CADM2: variants seen among roughly 807,000 people sequenced by gnomAD.
CADM2 encodes the protein cell adhesion molecule 2.
In CADM2, 12 loss-of-function variants were observed where a neutral mutation model predicts 49.8. The ratio of observed to expected loss-of-function variants is 0.24; its 90% CI spans 0.15 to 0.39. The LOEUF (loss-of-function observed/expected upper bound fraction) is 0.39. Among genes scored for constraint, CADM2 ranks in the 10% least tolerant of loss-of-function variants. The probability of loss-of-function intolerance (pLI) is 1.00; values close to 1 mark genes in which losing one functional copy is unlikely to be tolerated. For missense variants in CADM2, 378 were observed against 492.3 expected, an observed-to-expected ratio of 0.77 and a Z score of 2.20; for synonymous variants, 214 against 175.4, an observed-to-expected ratio of 1.22 and a Z score of -1.74.
intron 1 of CADM2, among the ~76,000 whole-genome samples, chr3:85,397,790 A>G (rs2034868887): frequency 6.6e-6 from 1 of 152,192 alleles, no homozygotes; most frequent in South Asian, 2.1e-4. Context: ...TGATGGAATA[A>G]GTTCTGAAAA....
At chr3:85,526,700 C>G (rs1024178697) in intron 1 of CADM2, among the ~76,000 whole-genome samples, 1 of 152,060 alleles carries the variant, frequency 6.6e-6, no homozygotes, top group Non-Finnish European at 1.5e-5. Flanking sequence ...CACTAGATCC[C>G]TAAAATGCTT....
chr3:85,566,831 C>G (rs10511081), intron 1 of CADM2, among the ~76,000 whole-genome samples: 77,962 of 152,070 alleles, frequency 0.51, 23,072 homozygotes, highest in East Asian at 0.85. Context: ...TGACCCGTGT[C>G]TTTTCTATGA....
chr3:85,855,621 C>CATATATATATATAT (rs142144366), intron 3 of CADM2, among the ~76,000 whole-genome samples: 56 of 54,014 alleles, frequency 1.0e-3, no homozygotes, highest in African/African-American at 2.5e-3. Context: ...ATATATAAAA[C>CATATATATATATAT]ATATATATAT....
intron 1 of CADM2, among the ~76,000 whole-genome samples, chr3:85,326,680 A>G (rs924278341): frequency 6.6e-6 from 1 of 152,184 alleles, no homozygotes; most frequent in Non-Finnish European, 1.5e-5. Context: ...TAAAAGTCTA[A>G]TGGAAATGCT....
At chr3:85,318,245 G>A (rs2044514988) in intron 1 of CADM2, among the ~76,000 whole-genome samples, 2 of 151,792 alleles carry the variant, frequency 1.3e-5, no homozygotes, top group Admixed American at 1.3e-4. Flanking sequence ...TAAATGGGGG[G>A]TTGATGTAAC....
At chr3:85,141,699 A>G (rs996696778) in intron 1 of CADM2, among the ~76,000 whole-genome samples, 5 of 152,194 alleles carry the variant, frequency 3.3e-5, no homozygotes, top group Non-Finnish European at 5.9e-5. Flanking sequence ...GTTAATGGAA[A>G]TAGTATAAAT....
chr3:85,807,771 C>T (rs543225141), intron 3 of CADM2, among the ~76,000 whole-genome samples: 1 of 152,132 alleles, frequency 6.6e-6, no homozygotes, highest in Admixed American at 6.5e-5. Context: ...TGCTGATTCA[C>T]TCATCAGATG....
At chr3:85,272,762 G>T (rs1434095187) in intron 1 of CADM2, among the ~76,000 whole-genome samples, 1 of 151,118 alleles carries the variant, frequency 6.6e-6, no homozygotes, top group African/African-American at 2.4e-5. Flanking sequence ...AGTTTCTCCT[G>T]TGCTTATTCG....
intron 1 of CADM2, among the ~76,000 whole-genome samples, chr3:85,500,674 T>A (rs1349662885): frequency 6.6e-6 from 1 of 152,002 alleles, no homozygotes; most frequent in Non-Finnish European, 1.5e-5. Context: ...CCCGCTACTA[T>A]GCCTGGCTGA....
chr3:85,426,751 A>G (rs529936257), intron 1 of CADM2, among the ~76,000 whole-genome samples: 209 of 152,290 alleles, frequency 1.4e-3, no homozygotes, highest in Non-Finnish European at 2.5e-3. Flanking sequence ...AAAAATTTCC[A>G]TATGTTTCTG....
At chr3:85,393,724 C>T (rs574644766) in intron 1 of CADM2, among the ~76,000 whole-genome samples, 6 of 151,990 alleles carry the variant, frequency 3.9e-5, no homozygotes, top group African/African-American at 1.2e-4. Context: ...CGAGATAGAT[C>T]GTAACCCCTT....
At chr3:85,806,030 A>G (rs1481167098) in intron 3 of CADM2, among the ~76,000 whole-genome samples, 1 of 152,154 alleles carries the variant, frequency 6.6e-6, no homozygotes, top group African/African-American at 2.4e-5. Context: ...TTTTAATTAT[A>G]TCTCAAATGA....
Position 85,250,881 on chromosome 3 carries a change from A to G in CADM2, c.61+291213A>G, listed in dbSNP as rs573567420. On this transcript the variant is annotated intron_variant, in intron 1 of 9. Coordinates refer to ENST00000383699, the MANE Select transcript of CADM2 (RefSeq NM_001167675.2). ...TTGAGTTCATACAAATAAATAAAAT[A>G]GCTTACATAGAGAACAATTTCCTCT... Among the ~76,000 whole-genome samples, 4 of 151,918 alleles carry G rather than the reference A, an allele frequency of 2.6e-5. No individual in the cohort carries two copies. The South Asian group carries it at 6.2e-4, about 24-fold the overall frequency.
intron 1 of CADM2, among the ~76,000 whole-genome samples, chr3:85,713,613 T>C (rs759299470): frequency 9.2e-5 from 14 of 152,182 alleles, no homozygotes; most frequent in Non-Finnish European, 1.6e-4. Context: ...TACCTACCTA[T>C]CTACAATTGA....
chr3:86,036,771 T>C (rs564429037), intron 8 of CADM2, among the ~76,000 whole-genome samples: 1 of 152,284 alleles, frequency 6.6e-6, no homozygotes, highest in Admixed American at 6.5e-5. Context: ...ATTAAAGAAG[T>C]CACTTTATGT....
chr3:85,754,861 T>G (rs987476507), intron 2 of CADM2, among the ~76,000 whole-genome samples: 1 of 152,208 alleles, frequency 6.6e-6, no homozygotes, highest in Non-Finnish European at 1.5e-5. Context: ...TATTGACATT[T>G]TTTTAAAAGC....
intron 1 of CADM2, among the ~76,000 whole-genome samples, chr3:85,214,821 G>A (rs1292823558): frequency 1.3e-5 from 2 of 151,952 alleles, no homozygotes; most frequent in Admixed American, 1.3e-4. Flanking sequence ...TGCAGTGAAT[G>A]CTGCCAGTCG....
intron 1 of CADM2, among the ~76,000 whole-genome samples, chr3:85,179,131 G>T (rs957704130): frequency 6.6e-6 from 1 of 151,894 alleles, no homozygotes; most frequent in Non-Finnish European, 1.5e-5. Flanking sequence ...GTGTCTAGAT[G>T]TCTTCTCCAT....
chr3:85,961,720 T>G (rs1724842798), intron 8 of CADM2, 73 bp downstream of exon 8: 4 of 1,177,350 alleles, frequency 3.4e-6, no homozygotes, highest in South Asian at 2.4e-5. Flanking sequence ...ATATCAGAAT[T>G]TTAAGTGCAG....
Sources: allele counts gnomAD v4.1 joint callset (sites outside exome capture counted in the v4.1 genomes callset), GRCh38; gene constraint gnomAD v4.1.1; transcripts MANE v1.5; gene names NCBI Gene and HGNC (gene_info 2026-07-23, HGNC 2026-07-21).